The following EXD2 variants were observed in gnomAD, a reference collection of about 807,000 sequenced individuals.
EXD2 encodes exonuclease 3'-5' domain-containing protein 2.
A neutral mutation model predicts 62.5 loss-of-function variants in EXD2; 40 were observed. The observed-to-expected ratio is 0.64, with a 90% CI of 0.50 to 0.83. The LOEUF (loss-of-function observed/expected upper bound fraction) is 0.83, where lower values mean the gene tolerates loss of function less well. EXD2 is among the 40% of genes least tolerant of loss of function. The pLI is 0.00. For missense variants in EXD2, 671 were observed against 761.8 expected (o/e 0.88, Z 1.40); for synonymous variants, 239 against 291.9 (o/e 0.82, Z 1.85).
In EXD2 at chr14:69,219,802, G is replaced by A. The variant is rs190117599; in HGVS notation, c.334-9014G>A. Among the ~76,000 whole-genome samples, 216 of 151,946 alleles carry A rather than the reference G, an allele frequency of 1.4e-3. 5 individuals are homozygous for A. The South Asian group carries it at 0.028, about 20-fold the overall frequency. On this transcript the variant is annotated intron_variant, in intron 3 of 9. Transcript: ENST00000685843. Reference sequence around the variant, plus strand: ...AAAATGACCATTTTATTTCTTTCCCGTCCTTGTCATTTTTTCTTTCTTTTC... The same window carrying A: ...AAAATGACCATTTTATTTCTTTCCCATCCTTGTCATTTTTTCTTTCTTTTC...
chr14:69,210,000 T>TG, intron 3 of EXD2, 197 bp downstream of exon 3: 1 of 460,340 alleles, frequency 2.2e-6, no homozygotes. Context: ...CAATTATGGA[T>TG]TACAATTATG....
chr14:69,236,219 T>G (rs1594782453), intron 7 of EXD2, 67 bp downstream of exon 7: 1 of 1,521,184 alleles, frequency 6.6e-7, no homozygotes, highest in Non-Finnish European at 9.1e-7. Flanking sequence ...GAGTGGGGAG[T>G]GAGATAAGGA....
At chr14:69,202,480 G>C (rs1355491946) in intron 1 of EXD2, among the ~76,000 whole-genome samples, 1 of 152,140 alleles carries the variant, frequency 6.6e-6, no homozygotes, top group African/African-American at 2.4e-5. Context: ...CCCACTCTTT[G>C]CAACTTGTTC....
chr14:69,236,311 C>T (rs1254898472), intron 7 of EXD2, 96 bp from the exon 8 acceptor site: 4 of 1,583,558 alleles, frequency 2.5e-6, no homozygotes, highest in East Asian at 2.2e-5. Context: ...TGTTCTCTGC[C>T]AGGCCATAGC....
In EXD2 at chr14:69,200,511, G is replaced by A. The variant is rs184666993; in HGVS notation, c.-131-3406G>A. ...GAGCTCACGAATCTGAGACCAGCCC[G>A]GGCAACATTGTGAAACCCCATCTCT... is the stretch of plus-strand genomic sequence containing the variant. On this transcript the variant is annotated intron_variant, in intron 1 of 9. Coordinates refer to ENST00000685843, the MANE Select transcript of EXD2 (RefSeq NM_001193360.2). Among the ~76,000 whole-genome samples the A allele has an allele frequency of 1.4e-4, 21 of 151,468 alleles. No homozygotes were observed. The East Asian group carries it at 2.6e-3, about 18-fold the overall frequency.
At chr14:69,202,906 G>C (rs773522069) in intron 1 of EXD2, among the ~76,000 whole-genome samples, 4 of 152,208 alleles carry the variant, frequency 2.6e-5, no homozygotes, top group Non-Finnish European at 5.9e-5. Flanking sequence ...TTTGGCATCA[G>C]TGAATTTTAA....
chr14:69,209,133 T>A (rs767695693), intron 2 of EXD2: 69 of 169,260 alleles, frequency 4.1e-4, no homozygotes, highest in Admixed American at 2.4e-4. Flanking sequence ...CACTTCATTG[T>A]GTACATAGCC....
rs187752333 is a variant in EXD2 at position 69,193,514 on chromosome 14, T to G, written c.-132+1923T>G. ...ATGATTGTCAGCCATTTGTATTTCCTCTTTTGAGAAACATCTCTTTCTATT... is the reference window on the plus strand; with the variant it reads ...ATGATTGTCAGCCATTTGTATTTCCGCTTTTGAGAAACATCTCTTTCTATT... On this transcript the variant is annotated intron_variant, in intron 1 of 9. Coordinates refer to ENST00000685843, the MANE Select transcript of EXD2 (RefSeq NM_001193360.2). Among the ~76,000 whole-genome samples the G allele has an allele frequency of 6.6e-5, 10 of 152,378 alleles. No individual in the cohort carries two copies. In the East Asian group the frequency reaches 1.7e-3, roughly 26 times the overall value.
Position 69,206,455 on chromosome 14 carries a change from CTTTTT to C in EXD2, c.-48+2482_-48+2486del, listed in dbSNP as rs56333403. 6.7e-4 allele frequency among the ~76,000 whole-genome samples: 63 copies of C among 94,638 alleles called. 8 individuals carry two copies. Among genetic ancestry groups the C allele is most frequent in the African/African-American group, 2.5e-3 (55 of 22,176 alleles). 62.1% of individuals were successfully genotyped at this position (94,638 alleles called of 152,430 possible). A position where few individuals can be genotyped will look rare whatever the true frequency, so the allele number is the denominator to read the frequency against. On this transcript the variant is annotated intron_variant, in intron 2 of 9. Transcript: ENST00000685843. ...CCCAGCTTCATCTCCCACCCACCCACTTTTTTTTTTTTTTTTTTTTTTTTTTTTTT... is the reference window on the plus strand; with the variant it reads ...CCCAGCTTCATCTCCCACCCACCCACTTTTTTTTTTTTTTTTTTTTTTTTT...
chr14:69,195,955 TC>T (rs1245655542), intron 1 of EXD2: 1 of 152,232 alleles, frequency 6.6e-6, no homozygotes, highest in Non-Finnish European at 1.5e-5. Context: ...AGGTTTATTC[TC>T]TCGCAGTTAA....
chr14:69,243,428 G>A lies in EXD2; in HGVS notation c.*2328G>A, dbSNP rs1310117015. On this transcript the variant is annotated 3_prime_UTR_variant, in exon 10 of 10. Coordinates refer to ENST00000685843, the MANE Select transcript of EXD2 (RefSeq NM_001193360.2). The stretch of plus-strand genomic sequence containing the variant: ...AGGTGTATATTTACACAAAATTGAA[G>A]GTCATACATAGATACAGGTTGGTAT... 2 of 152,066 alleles carry A rather than the reference G, an allele frequency of 1.3e-5. No homozygotes were observed. The highest frequency in any genetic ancestry group is 2.9e-5 in the Non-Finnish European group (2 of 68,020). The allele number at this position is 152,066 out of a possible 1,614,324, so 9.4% of individuals were successfully genotyped here.
chr14:69,228,139 G>A (rs1332736411), intron 3 of EXD2: 1 of 150,432 alleles, frequency 6.6e-6, no homozygotes, highest in African/African-American at 2.4e-5. Flanking sequence ...ATGAAAAGAG[G>A]ATGTTTATCA....
At chr14:69,223,082 G>A (rs925589962) in intron 3 of EXD2, among the ~76,000 whole-genome samples, 1 of 152,140 alleles carries the variant, frequency 6.6e-6, no homozygotes, top group African/African-American at 2.4e-5. Context: ...TTTTAAATAC[G>A]TGGAGACCAA....
intron 3 of EXD2, among the ~76,000 whole-genome samples, chr14:69,228,171 CT>C: frequency 6.9e-6 from 1 of 144,344 alleles, no homozygotes; most frequent in African/African-American, 2.5e-5. Flanking sequence ...ACTCCTGGGC[CT>C]TTTTTCCTTA....
In EXD2 at chr14:69,237,930, A is replaced by G. The variant is rs1261111662; in HGVS notation, c.1648A>G (p.Arg550Gly). ...MLQEAASLETRISNENYVPHG... is the reference protein window; with the variant it reads ...MLQEAASLETGISNENYVPHG... ...TCAAGAGGCTGCCAGCCTGGAGACC[A>G]GGTACAAAGCACAGGAATTGTGGAA... The change falls in exon 9 of 10, where the codon AGA becomes GGA. Residue 550 changes from arginine (R) to glycine (G), a missense_variant and splice_region_variant. By Grantham distance (125) the Arg-to-Gly change is moderately radical (BLOSUM62 -2). Coordinates refer to ENST00000685843, the MANE Select transcript of EXD2 (RefSeq NM_001193360.2). The G allele has an allele frequency of 6.4e-7, 1 of 1,552,738 alleles. No individual in the cohort carries two copies.
rs2044026618 is a variant in EXD2, at chr14:69,243,268, T to TA, written c.*2169dup. ...TTATGGCAAATGTCTATTTTTCTGA[T>TA]ATAAAAGTAACAATGCTCATTACAG... is the stretch of plus-strand genomic sequence containing the variant. On this transcript the variant is annotated 3_prime_UTR_variant, in exon 10 of 10. Transcript: ENST00000685843. The TA allele has an allele frequency of 6.6e-6, 1 of 152,236 alleles. No homozygotes were observed. Among genetic ancestry groups the TA allele is most frequent in the Non-Finnish European group, 1.5e-5 (1 of 68,038 alleles). The allele number at this position is 152,236 out of a possible 1,614,324, so 9.4% of individuals were successfully genotyped here. A position where few individuals can be genotyped will look rare whatever the true frequency, so the allele number is the denominator to read the frequency against.
intron 2 of EXD2, among the ~76,000 whole-genome samples, chr14:69,207,038 T>C (rs2042628129): frequency 6.6e-6 from 1 of 152,230 alleles, no homozygotes; most frequent in African/African-American, 2.4e-5. Context: ...ACATATGAAA[T>C]TCTTAGCACA....
Position 69,237,565 on chromosome 14 carries a change from C to T in EXD2, c.1293-10C>T. On this transcript the variant is annotated splice_polypyrimidine_tract_variant and intron_variant, in intron 8 of 9. Transcript: ENST00000685843. ...TTATGAGCGCTGCTTTCCGGCTGGG[C>T]TTGTTCCAGGAAGAACGTGATTCCA... is the stretch of plus-strand genomic sequence containing the variant. 1 of 1,613,484 alleles carries T rather than the reference C, an allele frequency of 6.2e-7. No homozygotes were observed. Among genetic ancestry groups the T allele is most frequent in the African/African-American group, 1.3e-5 (1 of 75,046 alleles).
At chr14:69,200,809 C>G (rs754826994) in intron 1 of EXD2, among the ~76,000 whole-genome samples, 1 of 151,900 alleles carries the variant, frequency 6.6e-6, no homozygotes, top group Non-Finnish European at 1.5e-5. Context: ...CGTGGTGGCT[C>G]ACGCCTGTAA....
Sources: gnomAD v4.1 joint callset for allele counts (sites outside exome capture counted in the v4.1 genomes callset) on GRCh38, gnomAD v4.1.1 for gene constraint, MANE v1.5 for transcripts, NCBI Gene and HGNC (gene_info 2026-07-23, HGNC 2026-07-21) for gene names.